Variants in OPCML observed in about 807,000 individuals in gnomAD.
The protein encoded by OPCML is opioid-binding protein/cell adhesion molecule.
A neutral mutation model predicts 37.8 loss-of-function variants in OPCML; 13 were observed. The observed-to-expected ratio is 0.34, with a 90% CI of 0.22 to 0.55. The LOEUF (loss-of-function observed/expected upper bound fraction) is 0.55, where lower values mean the gene tolerates loss of function less well. Ranked by LOEUF, OPCML falls within the 20% of genes least tolerant of loss-of-function variation. OPCML has a pLI of 0.91. For synonymous variants in OPCML, 176 were observed against 168.8 expected, an observed-to-expected ratio of 1.04 and a Z score of -0.33; for missense variants, 341 against 435.6, an observed-to-expected ratio of 0.78 and a Z score of 1.93.
chr11:133,288,700 C>T (rs915114643), intron 1 of OPCML, among the ~76,000 whole-genome samples: 13 of 152,104 alleles, frequency 8.5e-5, no homozygotes, highest in Admixed American at 3.3e-4. Context: ...GGGAAAAGCC[C>T]CTGAACACCA....
intron 2 of OPCML, among the ~76,000 whole-genome samples, chr11:132,800,345 T>G (rs553739111): frequency 6.6e-6 from 1 of 152,338 alleles, no homozygotes; most frequent in South Asian, 2.1e-4. Flanking sequence ...AATGTCATGT[T>G]ATTTACAAAA....
At chr11:133,227,990 C>A (rs558824162) in intron 1 of OPCML, among the ~76,000 whole-genome samples, 13 of 152,314 alleles carry the variant, frequency 8.5e-5, no homozygotes, top group Non-Finnish European at 1.3e-4. Context: ...AGTCTGGGAA[C>A]CTGGGGACTC....
chr11:132,780,022 G>A (rs1591599186), intron 2 of OPCML, among the ~76,000 whole-genome samples: 2 of 152,148 alleles, frequency 1.3e-5, no homozygotes, highest in East Asian at 3.9e-4. Flanking sequence ...TAGTGTGTGA[G>A]AAAAATGGAA....
At chr11:133,110,807 A>C (rs1949239197) in intron 1 of OPCML, among the ~76,000 whole-genome samples, 1 of 152,148 alleles carries the variant, frequency 6.6e-6, no homozygotes, top group African/African-American at 2.4e-5. Context: ...TTCCCTTTAT[A>C]AACTGGAGCA....
At chr11:133,348,512 G>A (rs1448401225) in intron 1 of OPCML, among the ~76,000 whole-genome samples, 8 of 152,160 alleles carry the variant, frequency 5.3e-5, no homozygotes. Context: ...CAAGAGAGGA[G>A]CATACAGCCC....
rs374675460 is a variant in OPCML, at chr11:133,072,501, A to G, written c.62-129491T>C. ...AAATGAATGAATCTCTGACTCATAC[A>G]TGTGGGATAACACCCAAAGGGAAAT... On this transcript the variant is annotated intron_variant, in intron 1 of 7. Coordinates refer to ENST00000524381, the MANE Select transcript of OPCML (RefSeq NM_001012393.5). Among the ~76,000 whole-genome samples, 18 of 152,374 alleles carry G rather than the reference A, an allele frequency of 1.2e-4. No homozygotes were observed. In the South Asian group the frequency reaches 3.7e-3, roughly 32 times the overall value.
At chr11:132,844,008 T>C (rs890882370) in intron 2 of OPCML, among the ~76,000 whole-genome samples, 4 of 152,200 alleles carry the variant, frequency 2.6e-5, no homozygotes, top group Non-Finnish European at 4.4e-5. Context: ...CAGGTCTTTC[T>C]TGTGCTGTTC....
At chr11:132,751,745 C>T (rs1196019523) in intron 2 of OPCML, among the ~76,000 whole-genome samples, 1 of 152,176 alleles carries the variant, frequency 6.6e-6, no homozygotes, top group Non-Finnish European at 1.5e-5. Context: ...GCCCTATGCT[C>T]ATAATCACAG....
chr11:133,022,778 G>T (rs1487632469), intron 1 of OPCML, among the ~76,000 whole-genome samples: 1 of 152,166 alleles, frequency 6.6e-6, no homozygotes, highest in Non-Finnish European at 1.5e-5. Context: ...CAATCGATAA[G>T]TGGCAAAGAG....
chr11:132,479,396 T>C (rs2096169930), intron 4 of OPCML, among the ~76,000 whole-genome samples: 1 of 152,222 alleles, frequency 6.6e-6, no homozygotes, highest in Admixed American at 6.5e-5. Flanking sequence ...TCTCGCTGAT[T>C]GCTAGCACAG....
chr11:132,741,948 G>A (rs146787516), intron 2 of OPCML, among the ~76,000 whole-genome samples: 1,598 of 151,972 alleles, frequency 0.011, 21 homozygotes, highest in African/African-American at 0.036. Flanking sequence ...AGAATCACTT[G>A]AACCCGGGAG....
intron 2 of OPCML, among the ~76,000 whole-genome samples, chr11:132,903,492 C>T (rs1313472093): frequency 1.3e-5 from 2 of 152,128 alleles, no homozygotes; most frequent in East Asian, 1.9e-4. Flanking sequence ...CAAAGTTAAC[C>T]TGAAAAACTA....
At chr11:132,996,576 G>GA (rs1946891339) in intron 1 of OPCML, among the ~76,000 whole-genome samples, 1 of 145,810 alleles carries the variant, frequency 6.9e-6, no homozygotes, top group African/African-American at 2.6e-5. Context: ...TCAAGATTGC[G>GA]CCACTGCACT....
rs563270406 is a variant in OPCML, at chr11:133,250,206, C to T, written c.61+282058G>A. ...TTGAAAAATTTCTTTAGGCTTTACA[C>T]ATATAATATGTTCCCTCTTATGTAT... On this transcript the variant is annotated intron_variant, in intron 1 of 7. Transcript: ENST00000524381. Among the ~76,000 whole-genome samples the T allele has an allele frequency of 9.1e-4, 138 of 152,318 alleles. 1 individual carries two copies. Among genetic ancestry groups the T allele is most frequent in the African/African-American group, 2.3e-3 (94 of 41,576 alleles).
intron 3 of OPCML, among the ~76,000 whole-genome samples, chr11:132,614,177 C>T (rs1016071820): frequency 2.0e-5 from 3 of 152,094 alleles, no homozygotes; most frequent in African/African-American, 7.2e-5. Flanking sequence ...CAATCCGCTG[C>T]TTGTGCTGCC....
intron 1 of OPCML, among the ~76,000 whole-genome samples, chr11:133,022,127 GAGTGA>G (rs1947466794): frequency 6.6e-6 from 1 of 152,204 alleles, no homozygotes; most frequent in Non-Finnish European, 1.5e-5. Context: ...CTTTGGTTAT[GAGTGA>G]AGGGGCTGGC....
At chr11:132,512,746 T>A (rs2096271603) in intron 4 of OPCML, among the ~76,000 whole-genome samples, 1 of 145,766 alleles carries the variant, frequency 6.9e-6, no homozygotes, top group Admixed American at 6.9e-5. Context: ...TTGCTAAATA[T>A]ATACATGTAA....
intron 4 of OPCML, among the ~76,000 whole-genome samples, chr11:132,524,122 A>G (rs1264890797): frequency 6.6e-6 from 1 of 152,174 alleles, no homozygotes; most frequent in Non-Finnish European, 1.5e-5. Flanking sequence ...TTAGAACACA[A>G]CAGACTCCAG....
At chr11:132,487,634 C>T (rs947036987) in intron 4 of OPCML, among the ~76,000 whole-genome samples, 6 of 152,134 alleles carry the variant, frequency 3.9e-5, no homozygotes, top group South Asian at 2.1e-4. Context: ...GACACTTTCC[C>T]GTTAGGACCC....
Sources: allele counts gnomAD v4.1 joint callset (sites outside exome capture counted in the v4.1 genomes callset), GRCh38; gene constraint gnomAD v4.1.1; transcripts MANE v1.5; gene names NCBI Gene and HGNC (gene_info 2026-07-23, HGNC 2026-07-21).